Variants in TRA2A observed in about 807,000 individuals in gnomAD.
TRA2A encodes transformer-2 protein homolog alpha.
A neutral mutation model predicts 45.7 loss-of-function variants in TRA2A; 31 were observed. That is an observed-to-expected ratio of 0.68 (90% CI 0.51 to 0.92). TRA2A has a LOEUF of 0.92. Among genes scored for constraint, TRA2A ranks in the 40% least tolerant of loss-of-function variants. TRA2A has a pLI of 0.00. For synonymous variants in TRA2A, 132 were observed against 126.2 expected (o/e 1.05, Z -0.31); for missense variants, 304 against 367.5 (o/e 0.83, Z 1.41).
At chr7:23,507,128 G>GTT (rs36001500) in intron 5 of TRA2A, 233 of 318,042 alleles carry the variant, frequency 7.3e-4, no homozygotes, top group South Asian at 1.2e-3. Flanking sequence ...CCCTACTTAT[G>GTT]TTTTTTTTCT....
At position 23,516,792 on chromosome 7, in the gene TRA2A, A is replaced by G. The variant is rs183059607; in HGVS notation, c.171-264T>C. On this transcript the variant is annotated intron_variant, in intron 2 of 7. Transcript: ENST00000297071. ...TTTTAAAAAACAAAAAAAAAACAAA[A>G]AACAAAAACCCACTATTGCTATAAA... 1.4e-4 allele frequency among the ~76,000 whole-genome samples: 22 copies of G among 152,222 alleles called. No individual in the cohort carries two copies. The East Asian group carries it at 4.2e-3, about 29-fold the overall frequency.
intron 2 of TRA2A, among the ~76,000 whole-genome samples, chr7:23,519,212 T>C (rs1790024333): frequency 6.6e-6 from 1 of 151,910 alleles, no homozygotes; most frequent in Non-Finnish European, 1.5e-5. Flanking sequence ...GCTAACATGA[T>C]AAAACCCCGT....
At chr7:23,510,894 C>T (rs1459434877) in intron 4 of TRA2A, among the ~76,000 whole-genome samples, 1 of 151,774 alleles carries the variant, frequency 6.6e-6, no homozygotes. Context: ...CTGCCTGTGA[C>T]ATAAATGACT....
Position 23,521,767 on chromosome 7 carries a change from C to G in TRA2A, c.110G>C (p.Arg37Pro). Residue 37 changes from arginine to proline, a missense_variant, in exon 2 of 8, where the codon CGT becomes CCT. Coordinates refer to ENST00000297071, the MANE Select transcript of TRA2A (RefSeq NM_013293.5). The part of the protein sequence containing the change: ...RVKSESRSGS[R>P]SPSRVSKHSE... ...GTGTTTGGAAACCCTTGATGGACTA[C>G]GAGATCCTGACCTGCTCTCCGATTT... The G allele has an allele frequency of 5.6e-6, 9 of 1,614,130 alleles. No individual in the cohort carries two copies. The highest frequency in any genetic ancestry group is 7.6e-6 in the Non-Finnish European group (9 of 1,180,022).
chr7:23,505,485 G>T lies in TRA2A; in HGVS notation c.*74C>A. 1.9e-6 allele frequency: 1 copy of T among 514,066 alleles called. No individual in the cohort carries two copies. The highest frequency in any genetic ancestry group is 3.5e-6 in the Non-Finnish European group (1 of 285,266). 31.8% of individuals were successfully genotyped at this position (514,066 alleles called of 1,614,324 possible). On this transcript the variant is annotated 3_prime_UTR_variant, in exon 8 of 8. Transcript: ENST00000297071. ...AGGAGTAGGAAGAATCCACAGCTTG[G>T]GGAAATCTCAGAATTAAAAAAAAAA... is the stretch of plus-strand genomic sequence containing the variant.
rs1236128969 is a variant in TRA2A at position 23,521,787 on chromosome 7, C to T, written c.90G>A (p.Ser30=). 3.7e-6 allele frequency: 6 copies of T among 1,614,054 alleles called. No individual in the cohort carries two copies. Among genetic ancestry groups the T allele is most frequent in the Middle Eastern group, 1.6e-4 (1 of 6,062 alleles). ...GACTACGAGATCCTGACCTGCTCTC[C>T]GATTTTACACGAGCAGGAGTTCCCG... The part of the protein sequence containing the change: ...SPTGTPARVK[S]ESRSGSRSPS... Residue 30 remains serine (S), a synonymous_variant, in exon 2 of 8, where the codon TCG becomes TCA. Transcript: ENST00000297071.
intron 1 of TRA2A, among the ~76,000 whole-genome samples, chr7:23,528,316 C>T (rs1790423989): frequency 6.6e-6 from 1 of 152,016 alleles, no homozygotes; most frequent in Non-Finnish European, 1.5e-5. Context: ...TCAAGTGATT[C>T]TCTGCCTCAC....
intron 1 of TRA2A, among the ~76,000 whole-genome samples, chr7:23,525,159 G>C (rs1195376209): frequency 1.3e-5 from 2 of 152,190 alleles, no homozygotes; most frequent in African/African-American, 4.8e-5. Context: ...TCTGCATTAG[G>C]AATCAGGCTA....
At position 23,531,929 on chromosome 7, in the gene TRA2A, G is replaced by A. The variant is rs1188824755; in HGVS notation, c.-105C>T. The A allele has an allele frequency of 7.8e-7, 1 of 1,284,870 alleles. No individual in the cohort carries two copies. The highest frequency in any genetic ancestry group is 1.1e-6 in the Non-Finnish European group (1 of 902,408). 79.6% of individuals were successfully genotyped at this position (1,284,870 alleles called of 1,614,324 possible). ...GACCGTGGGGAAGAGGAAAGAGTCG[G>A]CAACCACAGCCGCTCCACTCCACTC... On this transcript the variant is annotated 5_prime_UTR_variant, in exon 1 of 8. Coordinates refer to ENST00000297071, the MANE Select transcript of TRA2A (RefSeq NM_013293.5).
At chr7:23,507,344 A>C in intron 5 of TRA2A, 76 bp downstream of exon 5, 1 of 1,164,364 alleles carries the variant, frequency 8.6e-7, no homozygotes, top group Non-Finnish European at 1.3e-6. Context: ...ATAGGAAAAA[A>C]GTTTCTGAGT....
chr7:23,511,926 TC>T (rs1176011764), intron 4 of TRA2A, among the ~76,000 whole-genome samples: 1 of 152,212 alleles, frequency 6.6e-6, no homozygotes, highest in Non-Finnish European at 1.5e-5. Context: ...ACAAGTTCCT[TC>T]CTCATTATAG....
intron 1 of TRA2A, among the ~76,000 whole-genome samples, chr7:23,529,079 TAAGAA>T (rs1027466798): frequency 2.6e-5 from 4 of 152,218 alleles, no homozygotes; most frequent in African/African-American, 9.6e-5. Flanking sequence ...TGTAAAATGT[TAAGAA>T]AAGATTTCCA....
chr7:23,524,816 T>C (rs908976317), intron 1 of TRA2A, among the ~76,000 whole-genome samples: 3 of 152,002 alleles, frequency 2.0e-5, no homozygotes, highest in Non-Finnish European at 2.9e-5. Flanking sequence ...CTTAGCCTCC[T>C]GAGTAGCTCA....
At chr7:23,516,550 G>C in intron 2 of TRA2A, 22 bp from the exon 3 acceptor site, 1 of 1,611,228 alleles carries the variant, frequency 6.2e-7, no homozygotes, top group Non-Finnish European at 8.5e-7. Context: ...ATACATTTAG[G>C]TAAAAATACT....
chr7:23,531,178 A>G (rs1790566105), intron 1 of TRA2A: 1 of 983,902 alleles, frequency 1.0e-6, no homozygotes, highest in Non-Finnish European at 1.2e-6. Context: ...GTCGTTGACT[A>G]ACCACTTCAT....
intron 1 of TRA2A, among the ~76,000 whole-genome samples, chr7:23,530,895 T>A (rs1406381737): frequency 6.7e-6 from 1 of 149,028 alleles, no homozygotes; most frequent in Admixed American, 6.8e-5. Context: ...CTATGTAAGA[T>A]TAAAGAAAGA....
At chr7:23,518,485 G>A (rs923659234) in intron 2 of TRA2A, among the ~76,000 whole-genome samples, 3 of 151,956 alleles carry the variant, frequency 2.0e-5, no homozygotes, top group African/African-American at 7.2e-5. Flanking sequence ...GGGATTACAG[G>A]CACTTGCCAG....
chr7:23,507,310 C>A, intron 5 of TRA2A, 110 bp downstream of exon 5: 1 of 829,998 alleles, frequency 1.2e-6, no homozygotes, highest in Non-Finnish European at 2.0e-6. Flanking sequence ...GCCATGTTGC[C>A]CCTTGCCAGA....
chr7:23,519,082 CCTTT>C (rs1790017144), intron 2 of TRA2A, among the ~76,000 whole-genome samples: 3 of 152,142 alleles, frequency 2.0e-5, no homozygotes, highest in African/African-American at 7.2e-5. Context: ...TGCTTGCAGT[CCTTT>C]CTTTGCCTGT....
Sources: gnomAD v4.1 joint callset for allele counts (sites outside exome capture counted in the v4.1 genomes callset) on GRCh38, gnomAD v4.1.1 for gene constraint, MANE v1.5 for transcripts, NCBI Gene and HGNC (gene_info 2026-07-23, HGNC 2026-07-21) for gene names.